The following RCOR3 variants were observed in gnomAD, a reference collection of about 807,000 sequenced individuals.
The protein encoded by RCOR3 is REST corepressor 3.
RCOR3 carries 13 observed loss-of-function variants against 64.1 expected under a neutral mutation model. The ratio of observed to expected loss-of-function variants is 0.20; its 90% confidence interval spans 0.13 to 0.32. The LOEUF (loss-of-function observed/expected upper bound fraction) is 0.32. Among genes scored for constraint, RCOR3 ranks in the 10% least tolerant of loss-of-function variants. The pLI, the probability that RCOR3 is intolerant of heterozygous loss-of-function variation, is 1.00. For missense variants in RCOR3, 489 were observed against 701.2 expected (o/e 0.70, Z 3.42); for synonymous variants, 215 against 239.0 (o/e 0.90, Z 0.93).
intron 7 of RCOR3, among the ~76,000 whole-genome samples, chr1:211,284,574 GT>G (rs140608041): frequency 0.028 from 4,259 of 152,016 alleles, 76 homozygotes; most frequent in South Asian, 0.074. Flanking sequence ...CCAGGCTAGT[GT>G]GCCAGTGACA....
chr1:211,271,131 A>G, intron 2 of RCOR3, 101 bp from the exon 3 acceptor site: 3 of 937,340 alleles, frequency 3.2e-6, no homozygotes, highest in Non-Finnish European at 5.0e-6. Flanking sequence ...TACTGGGATT[A>G]CAGGCATGAG....
chr1:211,275,169 A>T (rs1696797558), intron 4 of RCOR3, among the ~76,000 whole-genome samples: 1 of 151,956 alleles, frequency 6.6e-6, no homozygotes, highest in Non-Finnish European at 1.5e-5. Flanking sequence ...TTCAACCTTT[A>T]TCAGAATTAA....
intron 10 of RCOR3, among the ~76,000 whole-genome samples, chr1:211,307,817 T>A (rs1572008342): frequency 6.6e-6 from 1 of 151,552 alleles, no homozygotes; most frequent in East Asian, 1.9e-4. Context: ...TCAACTTTAG[T>A]TATTTTTTAT....
At chr1:211,297,087 C>T (rs550699640) in intron 9 of RCOR3, among the ~76,000 whole-genome samples, 32 of 152,096 alleles carry the variant, frequency 2.1e-4, no homozygotes, top group Non-Finnish European at 2.7e-4. Context: ...TTAAATAAAA[C>T]GAAAGAATAA....
In RCOR3 at chr1:211,277,121, A is replaced by T. The variant is rs886494785; in HGVS notation, c.516+703A>T. On this transcript the variant is annotated intron_variant, in intron 5 of 11. Coordinates refer to ENST00000419091, the MANE Select transcript of RCOR3 (RefSeq NM_001136223.3). ...ACAAAAAAAACAAAAAAACAAAAAA[A>T]ATATTATTTCAATATTGTCCAGATG... 4.6e-5 allele frequency among the ~76,000 whole-genome samples: 7 copies of T among 151,600 alleles called. 1 individual carries two copies.
chr1:211,295,731 T>G lies in RCOR3; in HGVS notation c.995T>G (p.Ile332Ser). The change falls in exon 9 of 12, where the codon ATT (isoleucine) becomes AGT (serine). Residue 332 changes from isoleucine (I) to serine (S), a missense_variant. This residue lies in a region of RCOR3 where 402 missense variants were observed against 617.0 expected (regional missense o/e 0.65). Coordinates refer to ENST00000419091, the MANE Select transcript of RCOR3 (RefSeq NM_001136223.3). ...SALKQKMEGG[I>S]EEFKPPESNQ... is the part of the protein sequence containing the mutation. ...CTTAAACAGAAAATGGAAGGTGGAA[T>G]TGAAGAATTCAAACCTCCTGAGGTA... 1 of 1,613,512 alleles carries G rather than the reference T, an allele frequency of 6.2e-7. No individual in the cohort carries two copies. Among genetic ancestry groups the G allele is most frequent in the South Asian group, 1.1e-5 (1 of 91,074 alleles).
chr1:211,290,011 A>G (rs758125334), intron 8 of RCOR3, among the ~76,000 whole-genome samples: 1 of 152,216 alleles, frequency 6.6e-6, no homozygotes. Flanking sequence ...GGAATTAAAC[A>G]AGATAATATA....
intron 4 of RCOR3, among the ~76,000 whole-genome samples, chr1:211,275,722 G>GT: frequency 6.6e-6 from 1 of 152,242 alleles, no homozygotes; most frequent in East Asian, 1.9e-4. Flanking sequence ...CTGATAATAA[G>GT]TAAATGTGGT....
intron 1 of RCOR3, 90 bp from the exon 2 acceptor site, chr1:211,260,018 T>A: frequency 7.5e-7 from 1 of 1,332,462 alleles, no homozygotes; most frequent in Non-Finnish European, 9.6e-7. Context: ...TTCCTCCATC[T>A]AGCGATTTTT....
chr1:211,266,839 A>G (rs903028712), intron 2 of RCOR3, among the ~76,000 whole-genome samples: 1 of 152,256 alleles, frequency 6.6e-6, no homozygotes, highest in Non-Finnish European at 1.5e-5. Flanking sequence ...TTTTAATAGC[A>G]CATGTTACTT....
chr1:211,275,673 A>G (rs899508518), intron 4 of RCOR3, among the ~76,000 whole-genome samples: 2 of 152,188 alleles, frequency 1.3e-5, no homozygotes, highest in African/African-American at 2.4e-5. Flanking sequence ...AAGTCATTGA[A>G]GTTATTTATA....
chr1:211,267,883 G>A, intron 2 of RCOR3: 2 of 382,272 alleles, frequency 5.2e-6, no homozygotes, highest in Non-Finnish European at 1.0e-5. Flanking sequence ...AAGAGCCACT[G>A]CACCCAGCCT....
In RCOR3 at chr1:211,313,030, G is replaced by A. The variant is rs760779906; in HGVS notation, c.1317+69G>A. 2.5e-6 allele frequency: 4 copies of A among 1,605,612 alleles called. No individual in the cohort carries two copies. Among genetic ancestry groups the A allele is most frequent in the African/African-American group, 2.7e-5 (2 of 74,536 alleles). On this transcript the variant is annotated intron_variant, in intron 11 of 11. Coordinates refer to ENST00000419091, the MANE Select transcript of RCOR3 (RefSeq NM_001136223.3). The surrounding 1 kb of genome is among the most constrained non-coding windows in gnomAD (Gnocchi z 4.7). ...CACCATTTTGTGTGGTATTCTGTAA[G>A]GTTAATTTGTCAAGAGGACTAGCTA...
At chr1:211,260,001 C>T (rs1365615936) in intron 1 of RCOR3, 107 bp from the exon 2 acceptor site, 14 of 1,412,310 alleles carry the variant, frequency 9.9e-6, no homozygotes, top group Admixed American at 8.8e-5. Flanking sequence ...ATCCACCCGC[C>T]GCTTCTTTCC....
intron 8 of RCOR3, among the ~76,000 whole-genome samples, chr1:211,290,368 C>A (rs1283596430): frequency 6.6e-6 from 1 of 152,144 alleles, no homozygotes; most frequent in East Asian, 1.9e-4. Context: ...CTGCTGTTAT[C>A]CCTTTCCCAA....
At chr1:211,280,514 T>A (rs545169111) in intron 7 of RCOR3, among the ~76,000 whole-genome samples, 2 of 152,344 alleles carry the variant, frequency 1.3e-5, no homozygotes, top group South Asian at 4.1e-4. Context: ...TCTTGGGCCT[T>A]AATATCCCTC....
chr1:211,281,622 G>A (rs555214263), intron 7 of RCOR3, among the ~76,000 whole-genome samples: 1 of 152,118 alleles, frequency 6.6e-6, no homozygotes, highest in Non-Finnish European at 1.5e-5. Flanking sequence ...ATTTATTTCA[G>A]ATTACTAACA....
At chr1:211,308,661 G>GTTTTTTTGTTT (rs1701115898) in intron 10 of RCOR3, among the ~76,000 whole-genome samples, 2 of 27,488 alleles carry the variant, frequency 7.3e-5, no homozygotes, top group African/African-American at 2.2e-4. Flanking sequence ...TTTTGGATGT[G>GTTTTTTTGTTT]TTTTTTTTTT....
intron 7 of RCOR3, among the ~76,000 whole-genome samples, chr1:211,283,176 A>G (rs187797182): frequency 5.5e-4 from 84 of 152,346 alleles, no homozygotes; most frequent in African/African-American, 2.0e-3. Context: ...GTTCTCAGCT[A>G]GGTTTAGCAC....
Sources: gnomAD v4.1 joint callset for allele counts (sites outside exome capture counted in the v4.1 genomes callset) on GRCh38, gnomAD v4.1.1 for gene constraint, gnomAD v4.1.1 regional missense constraint, Gnocchi (gnomAD v3.1) non-coding constraint, MANE v1.5 for transcripts, NCBI Gene and HGNC (gene_info 2026-07-23, HGNC 2026-07-21) for gene names.